The following ACAP2 variants were observed in gnomAD, a reference collection of about 807,000 sequenced individuals.
The protein encoded by ACAP2 is ArfGAP with coiled-coil, ankyrin repeat and PH domains 2.
ACAP2 carries 39 observed loss-of-function variants against 115.8 expected under a neutral mutation model. That is an observed-to-expected ratio of 0.34 (90% CI 0.26 to 0.44). ACAP2 has a LOEUF of 0.44. Among genes scored for constraint, ACAP2 ranks in the 20% least tolerant of loss-of-function variants. The pLI is 1.00. For missense variants in ACAP2, 662 were observed against 927.6 expected (o/e 0.71, Z 3.72); for synonymous variants, 289 against 315.8 (o/e 0.92, Z 0.90).
intron 15 of ACAP2, among the ~76,000 whole-genome samples, chr3:195,300,439 G>A (rs749772032): frequency 6.6e-6 from 1 of 152,092 alleles, no homozygotes; most frequent in African/African-American, 2.4e-5. Flanking sequence ...GGAATTAAAA[G>A]GATTATACTA....
intron 12 of ACAP2, 84 bp from the exon 13 acceptor site, chr3:195,306,700 C>A: frequency 1.0e-6 from 1 of 1,002,054 alleles, no homozygotes; most frequent in South Asian, 1.6e-5. Context: ...TTCCACTTTG[C>A]TATTTAATAA....
chr3:195,441,007 T>TTA (rs1715948189), intron 1 of ACAP2, among the ~76,000 whole-genome samples: 1 of 152,160 alleles, frequency 6.6e-6, no homozygotes, highest in South Asian at 2.1e-4. Flanking sequence ...TCCCTACAAC[T>TTA]TAATCAGTAT....
At chr3:195,382,080 G>A (rs1733982320) in intron 2 of ACAP2, 58 bp from the exon 3 acceptor site, 1 of 1,539,118 alleles carries the variant, frequency 6.5e-7, no homozygotes, top group Non-Finnish European at 8.8e-7. Flanking sequence ...TTACTTAGTT[G>A]AACAAGTGTT....
chr3:195,411,198 C>T (rs1315284914), intron 1 of ACAP2, among the ~76,000 whole-genome samples: 1 of 152,132 alleles, frequency 6.6e-6, no homozygotes, highest in Non-Finnish European at 1.5e-5. Context: ...TAAAATGGTA[C>T]CACTATTGTG....
chr3:195,332,133 C>CA (rs538950489), intron 8 of ACAP2, among the ~76,000 whole-genome samples: 3,108 of 59,192 alleles, frequency 0.053, 82 homozygotes, highest in East Asian at 0.16. Flanking sequence ...GACTCCACCT[C>CA]AAAAAAAAAA....
chr3:195,298,389 G>A (rs1283637235), intron 15 of ACAP2, among the ~76,000 whole-genome samples: 1 of 151,604 alleles, frequency 6.6e-6, no homozygotes, highest in Non-Finnish European at 1.5e-5. Context: ...CCGAGTAACT[G>A]GGATTACAGA....
chr3:195,303,811 T>C (rs1178483662), intron 13 of ACAP2, among the ~76,000 whole-genome samples: 1 of 152,088 alleles, frequency 6.6e-6, no homozygotes, highest in Non-Finnish European at 1.5e-5. Flanking sequence ...AATACAAAGA[T>C]GTGGTACTTA....
intron 22 of ACAP2, among the ~76,000 whole-genome samples, chr3:195,280,350 T>C (rs966587212): frequency 1.1e-4 from 17 of 152,050 alleles, no homozygotes; most frequent in African/African-American, 4.1e-4. Context: ...TGGGCACCTG[T>C]AATCCCAGCT....
chr3:195,384,672 AGC>A (rs1734173157), intron 2 of ACAP2, among the ~76,000 whole-genome samples: 1 of 152,124 alleles, frequency 6.6e-6, no homozygotes, highest in South Asian at 2.1e-4. Context: ...GGTTGCAGTG[AGC>A]TGAGATCATG....
chr3:195,375,384 C>A (rs1733455694), intron 4 of ACAP2, among the ~76,000 whole-genome samples: 1 of 151,550 alleles, frequency 6.6e-6, no homozygotes, highest in Non-Finnish European at 1.5e-5. Context: ...ACATGACTAT[C>A]ATTTTCAATC....
At chr3:195,341,426 G>A (rs1473828591) in intron 6 of ACAP2, among the ~76,000 whole-genome samples, 4 of 142,464 alleles carry the variant, frequency 2.8e-5, no homozygotes, top group Non-Finnish European at 6.0e-5. Flanking sequence ...CTGGGTTCAC[G>A]CCATTCTCCT....
intron 20 of ACAP2, among the ~76,000 whole-genome samples, chr3:195,290,830 AAATAAATAAATAAATAAAT>A (rs1187430566): frequency 1.4e-3 from 185 of 127,968 alleles, no homozygotes; most frequent in African/African-American, 5.5e-3. Context: ...ATAAATAAAT[AAATAAATAAATAAATAAAT>A]AATAAATAAA....
At chr3:195,343,127 A>T (rs1470178609) in intron 5 of ACAP2, among the ~76,000 whole-genome samples, 1 of 152,226 alleles carries the variant, frequency 6.6e-6, no homozygotes, top group Non-Finnish European at 1.5e-5. Context: ...TTTTGTATAA[A>T]TCCTGATAAA....
At position 195,333,074 on chromosome 3, in the gene ACAP2, T is replaced by A; in HGVS notation, c.623A>T (p.Asp208Val). The A allele has an allele frequency of 6.2e-7, 1 of 1,610,186 alleles. No individual in the cohort carries two copies. Among genetic ancestry groups the A allele is most frequent in the Non-Finnish European group, 8.5e-7 (1 of 1,178,430 alleles). ...AHLAFFHQGYDLFSELGPYMK... is the reference protein window; with the variant it reads ...AHLAFFHQGYVLFSELGPYMK... ...GTAGGGTCCAAGTTCACTAAACAGA[T>A]CATATCCTTGATGAAAGAAGGCCAA... is the stretch of plus-strand genomic sequence containing the variant. Residue 208 changes from aspartate (D) to valine (V), a missense_variant, in exon 8 of 23, where the codon GAT becomes GTT. Physicochemically the swap from Asp to Val is radical, Grantham distance 152 (BLOSUM62 -3). Coordinates refer to ENST00000326793, the MANE Select transcript of ACAP2 (RefSeq NM_012287.6).
rs186002830 is a variant in ACAP2 at position 195,344,382 on chromosome 3, C to A, written c.344+877G>T. Reference sequence around the variant, plus strand: ...ATTTTATATATTCCCAGCCAGGAATCAAAAGAGAAAAACCTGTATTATTAA... The same window carrying A: ...ATTTTATATATTCCCAGCCAGGAATAAAAAGAGAAAAACCTGTATTATTAA... On this transcript the variant is annotated intron_variant, in intron 5 of 22. Coordinates refer to ENST00000326793, the MANE Select transcript of ACAP2 (RefSeq NM_012287.6). Among the ~76,000 whole-genome samples, 266 of 152,200 alleles carry A rather than the reference C, an allele frequency of 1.7e-3. 1 individual carries two copies. Among genetic ancestry groups the A allele is most frequent in the African/African-American group, 5.0e-3 (207 of 41,532 alleles).
At position 195,323,398 on chromosome 3, in the gene ACAP2, G is replaced by A. The variant is rs527474994; in HGVS notation, c.745-2585C>T. 4.6e-5 allele frequency among the ~76,000 whole-genome samples: 7 copies of A among 152,112 alleles called. No homozygotes were observed. The South Asian group carries it at 8.3e-4, about 18-fold the overall frequency. On this transcript the variant is annotated intron_variant, in intron 9 of 22. Transcript: ENST00000326793. ...TCAATACAGAAAAATCAATTTTATCGCAAACAGAACAGTGGTAAAATAAAT... is the reference window on the plus strand; with the variant it reads ...TCAATACAGAAAAATCAATTTTATCACAAACAGAACAGTGGTAAAATAAAT...
chr3:195,427,992 T>C (rs553975272), intron 1 of ACAP2, among the ~76,000 whole-genome samples: 42 of 137,694 alleles, frequency 3.1e-4, no homozygotes, highest in African/African-American at 1.1e-3. Context: ...TATATATATA[T>C]ATACACACAC....
rs1454366598 is a variant in ACAP2 at position 195,275,650 on chromosome 3, C to T, written c.*3678G>A. ...GGTCAGTCAGACCTGGGTAATGGTG[C>T]CAATTCTGCCACCAGCTAGCAAATC... On this transcript the variant is annotated 3_prime_UTR_variant, in exon 23 of 23. Coordinates refer to ENST00000326793, the MANE Select transcript of ACAP2 (RefSeq NM_012287.6). 1 of 152,104 alleles carries T rather than the reference C, an allele frequency of 6.6e-6. No homozygotes were observed. Among genetic ancestry groups the T allele is most frequent in the African/African-American group, 2.4e-5 (1 of 41,408 alleles). 9.4% of individuals were successfully genotyped at this position (152,104 alleles called of 1,614,324 possible). A position where few individuals can be genotyped will look rare whatever the true frequency, so the allele number is the denominator to read the frequency against.
chr3:195,329,140 G>T (rs1424862516), intron 8 of ACAP2, among the ~76,000 whole-genome samples: 1 of 151,544 alleles, frequency 6.6e-6, no homozygotes, highest in Non-Finnish European at 1.5e-5. Flanking sequence ...AACCAAAAAA[G>T]TGGGGACAAT....
Sources: gnomAD v4.1 joint callset for allele counts (sites outside exome capture counted in the v4.1 genomes callset) on GRCh38, gnomAD v4.1.1 for gene constraint, MANE v1.5 for transcripts, NCBI Gene and HGNC (gene_info 2026-07-23, HGNC 2026-07-21) for gene names.